Variants in BCAS4 observed in about 807,000 individuals in gnomAD.
BCAS4 encodes breast carcinoma-amplified sequence 4.
BCAS4 carries 9 observed loss-of-function variants against 15.7 expected under a neutral mutation model. That is an observed-to-expected ratio of 0.57 (90% CI 0.34 to 1.00). The LOEUF (loss-of-function observed/expected upper bound fraction) is 1.00, where lower values mean the gene tolerates loss of function less well. Among genes scored for constraint, BCAS4 ranks in the 50% least tolerant of loss-of-function variants. BCAS4 has a pLI of 0.02. For missense variants in BCAS4, 225 were observed against 239.1 expected (o/e 0.94, Z 0.39); for synonymous variants, 101 against 99.5 (o/e 1.02, Z -0.09).
At chr20:50,816,623 T>A (rs1457983008) in intron 1 of BCAS4, among the ~76,000 whole-genome samples, 1 of 151,948 alleles carries the variant, frequency 6.6e-6, no homozygotes, top group Non-Finnish European at 1.5e-5. Flanking sequence ...TTTCACTCAT[T>A]TATGTTAATG....
intron 4 of BCAS4, chr20:50,876,239 C>G (rs1376098386): frequency 8.6e-6 from 4 of 464,796 alleles, no homozygotes; most frequent in Admixed American, 3.4e-5. Flanking sequence ...TCATGAGCCA[C>G]TGCGCCTGGG....
chr20:50,857,658 G>A (rs538208018), intron 4 of BCAS4, among the ~76,000 whole-genome samples: 27 of 152,280 alleles, frequency 1.8e-4, no homozygotes, highest in Non-Finnish European at 2.2e-4. Flanking sequence ...AGCAGCTCTG[G>A]GGCTTTGGTG....
At chr20:50,865,241 G>A (rs1979298843) in intron 4 of BCAS4, among the ~76,000 whole-genome samples, 1 of 152,164 alleles carries the variant, frequency 6.6e-6, no homozygotes, top group African/African-American at 2.4e-5. Context: ...ATTGAAGGAG[G>A]GAGTCAGGAC....
chr20:50,866,012 G>T (rs1409866397), intron 4 of BCAS4, among the ~76,000 whole-genome samples: 1 of 152,144 alleles, frequency 6.6e-6, no homozygotes, highest in Non-Finnish European at 1.5e-5. Context: ...AGGACCTGGG[G>T]GCCGGCGGTA....
intron 3 of BCAS4, among the ~76,000 whole-genome samples, chr20:50,835,948 C>T (rs906807907): frequency 4.6e-5 from 7 of 151,204 alleles, no homozygotes; most frequent in Admixed American, 6.6e-5. Flanking sequence ...GACAGAGTAT[C>T]GCTCTGTCGC....
chr20:50,881,191 C>G (rs959014038), downstream of BCAS4: 1 of 152,144 alleles, frequency 6.6e-6, no homozygotes, highest in Non-Finnish European at 1.5e-5. Context: ...GATTGTGCCA[C>G]TGCACTCCAG....
chr20:50,876,424 T>C (rs920848343), intron 4 of BCAS4, 62 bp from the exon 5 acceptor site: 2 of 1,590,104 alleles, frequency 1.3e-6, no homozygotes, highest in Non-Finnish European at 8.6e-7. Flanking sequence ...GACCGGGAAT[T>C]CCTGGGTCAT....
chr20:50,870,190 T>C (rs1029038572), intron 4 of BCAS4, among the ~76,000 whole-genome samples: 1 of 152,238 alleles, frequency 6.6e-6, no homozygotes, highest in Non-Finnish European at 1.5e-5. Context: ...AAATATTTAC[T>C]ATCTAGCTCT....
At chr20:50,828,470 CA>C (rs1173795190) in intron 2 of BCAS4, among the ~76,000 whole-genome samples, 13 of 151,346 alleles carry the variant, frequency 8.6e-5, no homozygotes, top group Admixed American at 2.0e-4. Flanking sequence ...GTATAGTTTT[CA>C]AAAAAAAATT....
intron 4 of BCAS4, among the ~76,000 whole-genome samples, chr20:50,873,283 C>T (rs991610820): frequency 3.9e-5 from 6 of 152,166 alleles, no homozygotes; most frequent in Admixed American, 3.3e-4. Context: ...AGAACCATTT[C>T]AAAAAGGAAC....
At chr20:50,827,918 G>T (rs1193220453) in intron 2 of BCAS4, among the ~76,000 whole-genome samples, 1 of 152,110 alleles carries the variant, frequency 6.6e-6, no homozygotes. Flanking sequence ...GTAGAGACAG[G>T]GTTTCTCCAT....
At chr20:50,808,092 TTAA>T (rs2088016282) in intron 1 of BCAS4, among the ~76,000 whole-genome samples, 1 of 151,758 alleles carries the variant, frequency 6.6e-6, no homozygotes, top group Non-Finnish European at 1.5e-5. Context: ...TTTGTATTTT[TTAA>T]TAGAGATGGG....
intron 4 of BCAS4, among the ~76,000 whole-genome samples, chr20:50,849,573 G>A (rs1456327161): frequency 6.6e-6 from 1 of 152,218 alleles, no homozygotes; most frequent in Admixed American, 6.5e-5. Context: ...TAACAGCAAT[G>A]AGTGAGTGAG....
intron 4 of BCAS4, among the ~76,000 whole-genome samples, chr20:50,847,915 C>T (rs1007370508): frequency 6.6e-6 from 1 of 152,018 alleles, no homozygotes; most frequent in African/African-American, 2.4e-5. Flanking sequence ...GGTGGTGGTG[C>T]ATGCCTGTAT....
chr20:50,833,738 A>G (rs141472181), intron 3 of BCAS4, among the ~76,000 whole-genome samples: 2 of 152,342 alleles, frequency 1.3e-5, no homozygotes, highest in East Asian at 3.9e-4. Flanking sequence ...CGTATTCAAC[A>G]AACGTTTGCT....
At chr20:50,860,556 G>T (rs531272048) in intron 4 of BCAS4, among the ~76,000 whole-genome samples, 50 of 152,254 alleles carry the variant, frequency 3.3e-4, no homozygotes, top group African/African-American at 1.1e-3. Flanking sequence ...ATACTTCCCT[G>T]GAGATTTGTC....
chr20:50,803,623 G>C (rs576527844), intron 1 of BCAS4, among the ~76,000 whole-genome samples: 1 of 152,046 alleles, frequency 6.6e-6, no homozygotes, highest in East Asian at 1.9e-4. Flanking sequence ...CGAGAGGATT[G>C]CTTAAGCTCA....
At chr20:50,863,232 C>G (rs1366629660) in intron 4 of BCAS4, among the ~76,000 whole-genome samples, 3 of 149,144 alleles carry the variant, frequency 2.0e-5, no homozygotes, top group Non-Finnish European at 4.4e-5. Flanking sequence ...GGTTTTCTTC[C>G]CAGAGCTAAC....
chr20:50,856,182 A>C (rs1423818443), intron 4 of BCAS4, among the ~76,000 whole-genome samples: 2 of 152,234 alleles, frequency 1.3e-5, no homozygotes, highest in Non-Finnish European at 2.9e-5. Context: ...TTGTCAGTGC[A>C]GACTCCTGCC....
Sources: allele counts gnomAD v4.1 joint callset (sites outside exome capture counted in the v4.1 genomes callset), GRCh38; gene constraint gnomAD v4.1.1; transcripts MANE v1.5; gene names NCBI Gene and HGNC (gene_info 2026-07-23, HGNC 2026-07-21).